CSMD3: variants seen among roughly 807,000 people sequenced by gnomAD.
CSMD3 encodes CUB and sushi domain-containing protein 3.
In CSMD3, 177 loss-of-function variants were observed where a neutral mutation model predicts 435.2. The observed-to-expected ratio is 0.41, with a 90% CI of 0.36 to 0.46. The LOEUF is 0.46. Ranked by LOEUF, CSMD3 falls within the 20% of genes least tolerant of loss-of-function variation. CSMD3 has a pLI of 0.34. For synonymous variants in CSMD3, 1,656 were observed against 1,520.5 expected (o/e 1.09, Z -2.07); for missense variants, 4,265 against 4,504.6 (o/e 0.95, Z 1.52).
At position 112,278,033 on chromosome 8, in the gene CSMD3, G is replaced by T. The variant is rs562737646; in HGVS notation, c.9508+3141C>A. Among the ~76,000 whole-genome samples the T allele has an allele frequency of 3.3e-5, 5 of 152,290 alleles. 1 individual carries two copies. Among genetic ancestry groups the T allele is most frequent in the African/African-American group, 1.2e-4 (5 of 41,558 alleles). ...CTCAAACCATTTCTGACCAAAGAGA[G>T]TCTTACCATGTGGGTAATCTTTCAT... is the stretch of plus-strand genomic sequence containing the variant. On this transcript the variant is annotated intron_variant, in intron 59 of 70. Coordinates refer to ENST00000297405, the MANE Select transcript of CSMD3 (RefSeq NM_198123.2).
chr8:113,126,115 C>T (rs987102250), intron 4 of CSMD3, among the ~76,000 whole-genome samples: 1 of 151,868 alleles, frequency 6.6e-6, no homozygotes, highest in Non-Finnish European at 1.5e-5. Flanking sequence ...TATAACTCTT[C>T]GAATTGACTA....
intron 38 of CSMD3, among the ~76,000 whole-genome samples, chr8:112,370,876 A>G (rs2131178216): frequency 6.6e-6 from 1 of 152,332 alleles, no homozygotes. Flanking sequence ...AATGGGAACA[A>G]TGCCTGACAC....
chr8:112,733,338 T>G (rs1418836054), intron 13 of CSMD3, among the ~76,000 whole-genome samples: 2 of 151,882 alleles, frequency 1.3e-5, no homozygotes, highest in Non-Finnish European at 2.9e-5. Flanking sequence ...GCTAAATAAA[T>G]TAGAATTTGA....
intron 13 of CSMD3, among the ~76,000 whole-genome samples, chr8:112,695,812 T>A (rs537570910): frequency 5.9e-5 from 9 of 152,316 alleles, no homozygotes; most frequent in Non-Finnish European, 7.3e-5. Context: ...GCAGATGACA[T>A]GATTGCATAT....
At chr8:112,862,012 T>C (rs899601332) in intron 10 of CSMD3, among the ~76,000 whole-genome samples, 7 of 151,986 alleles carry the variant, frequency 4.6e-5, no homozygotes, top group African/African-American at 9.7e-5. Context: ...GCTCTTAAAT[T>C]AACTATAAAA....
At position 113,302,272 on chromosome 8, in the gene CSMD3, A is replaced by C. The variant is rs562504270; in HGVS notation, c.401+12299T>G. Among the ~76,000 whole-genome samples, 407 of 65,274 alleles carry C rather than the reference A, an allele frequency of 6.2e-3. 4 individuals are homozygous for C. Among genetic ancestry groups the C allele is most frequent in the African/African-American group, 0.024 (380 of 15,728 alleles). 42.8% of individuals were successfully genotyped at this position (65,274 alleles called of 152,430 possible). A position where few individuals can be genotyped will look rare whatever the true frequency, so the allele number is the denominator to read the frequency against. On this transcript the variant is annotated intron_variant, in intron 2 of 70. Coordinates refer to ENST00000297405, the MANE Select transcript of CSMD3 (RefSeq NM_198123.2). ...ATATATTATATAAAATATATATAAT[A>C]TATAATTATAATATATAATATAATA...
At chr8:113,273,394 C>A (rs1302335612) in intron 3 of CSMD3, among the ~76,000 whole-genome samples, 1 of 151,706 alleles carries the variant, frequency 6.6e-6, no homozygotes, top group Non-Finnish European at 1.5e-5. Flanking sequence ...CCATTGATAA[C>A]CAAGATCGGA....
chr8:112,433,678 AAAGAAAG>A (rs1813996591), intron 32 of CSMD3, among the ~76,000 whole-genome samples: 1 of 145,058 alleles, frequency 6.9e-6, no homozygotes, highest in Non-Finnish European at 1.5e-5. Context: ...AAAAAGAAAG[AAAGAAAG>A]AAAAAAGAAA....
chr8:112,672,005 A>C (rs2075668616), intron 16 of CSMD3, among the ~76,000 whole-genome samples: 1 of 152,168 alleles, frequency 6.6e-6, no homozygotes, highest in East Asian at 1.9e-4. Flanking sequence ...ATTGAAAAAA[A>C]ATTCTATGTG....
At chr8:112,563,874 A>G (rs1414803363) in intron 24 of CSMD3, among the ~76,000 whole-genome samples, 4 of 151,766 alleles carry the variant, frequency 2.6e-5, no homozygotes, top group South Asian at 2.1e-4. Flanking sequence ...TTTTCTTTCC[A>G]TGTCCGATGG....
intron 1 of CSMD3, among the ~76,000 whole-genome samples, chr8:113,378,157 T>A (rs889772671): frequency 4.6e-5 from 7 of 152,188 alleles, no homozygotes; most frequent in Admixed American, 3.9e-4. Flanking sequence ...GAACGGCATT[T>A]ATTCTTGGTA....
chr8:113,303,419 T>G (rs1299720166), intron 2 of CSMD3, among the ~76,000 whole-genome samples: 1 of 151,658 alleles, frequency 6.6e-6, no homozygotes, highest in East Asian at 1.9e-4. Flanking sequence ...TACTTTAAAG[T>G]TCATATGGAA....
chr8:113,033,169 C>T lies in CSMD3; in HGVS notation c.918-13990G>A, dbSNP rs114842346. 8.1e-3 allele frequency among the ~76,000 whole-genome samples: 1,222 copies of T among 151,724 alleles called. 21 individuals carry two copies. Among genetic ancestry groups the T allele is most frequent in the African/African-American group, 0.028 (1,143 of 41,528 alleles). On this transcript the variant is annotated intron_variant, in intron 5 of 70. Transcript: ENST00000297405. ...GTGAGTTGGAGCTCTCACACAGAGT[C>T]CTCACTGGGGCACTGCTTAGTGGAG...
chr8:112,823,696 T>G lies in CSMD3; in HGVS notation c.1859+5990A>C, dbSNP rs147171698. Among the ~76,000 whole-genome samples the G allele has an allele frequency of 3.1e-3, 468 of 152,300 alleles. 1 individual carries two copies. The highest frequency in any genetic ancestry group is 0.01 in the African/African-American group (432 of 41,572). On this transcript the variant is annotated intron_variant, in intron 12 of 70. Coordinates refer to ENST00000297405, the MANE Select transcript of CSMD3 (RefSeq NM_198123.2). ...CTTTGGTCTGAGAGACTGTTTGTTA[T>G]GATTTCAGTTCTTTTGCATTTGCTG...
chr8:113,286,922 C>A (rs746212097), intron 2 of CSMD3, among the ~76,000 whole-genome samples: 1 of 150,170 alleles, frequency 6.7e-6, no homozygotes, highest in African/African-American at 2.5e-5. Flanking sequence ...GGAGAGAGGA[C>A]GAGGAGTAAA....
intron 5 of CSMD3, among the ~76,000 whole-genome samples, chr8:113,022,684 T>C (rs1001636684): frequency 3.3e-4 from 50 of 151,724 alleles, no homozygotes; most frequent in African/African-American, 1.1e-3. Context: ...AAGAAAAATA[T>C]GGTCATGATA....
At chr8:112,533,297 T>C (rs766059380) in intron 27 of CSMD3, among the ~76,000 whole-genome samples, 1 of 151,892 alleles carries the variant, frequency 6.6e-6, no homozygotes, top group Non-Finnish European at 1.5e-5. Context: ...TGAATGTAAA[T>C]TGACTCAATT....
intron 10 of CSMD3, among the ~76,000 whole-genome samples, chr8:112,871,486 A>T (rs1021053297): frequency 6.6e-6 from 1 of 152,160 alleles, no homozygotes; most frequent in Non-Finnish European, 1.5e-5. Context: ...ATATATTATA[A>T]AAAAGGGAAA....
chr8:112,500,254 ATAAAG>A (rs1308041643), intron 30 of CSMD3, among the ~76,000 whole-genome samples: 1 of 152,238 alleles, frequency 6.6e-6, no homozygotes, highest in African/African-American at 2.4e-5. Flanking sequence ...GCAGCAGCAA[ATAAAG>A]TAAGAAACAC....
Sources: gnomAD v4.1 joint callset for allele counts (sites outside exome capture counted in the v4.1 genomes callset) on GRCh38, gnomAD v4.1.1 for gene constraint, MANE v1.5 for transcripts, NCBI Gene and HGNC (gene_info 2026-07-23, HGNC 2026-07-21) for gene names.